Variants in PCLO observed in about 807,000 individuals in gnomAD.
PCLO encodes piccolo presynaptic cytomatrix protein.
PCLO carries 82 observed loss-of-function variants against 427.5 expected under a neutral mutation model. That is an observed-to-expected ratio of 0.19 (90% CI 0.16 to 0.23). The LOEUF is 0.23. Ranked by LOEUF, PCLO falls within the 10% of genes least tolerant of loss-of-function variation. PCLO has a pLI of 1.00. For missense variants in PCLO, 6,239 were observed against 6,115.9 expected (o/e 1.02, Z -0.67); for synonymous variants, 2,357 against 2,155.4 (o/e 1.09, Z -2.59).
intron 3 of PCLO, among the ~76,000 whole-genome samples, chr7:83,052,548 G>C: frequency 6.6e-6 from 1 of 151,964 alleles, no homozygotes; most frequent in East Asian, 1.9e-4. Context: ...ATCATGTGTT[G>C]AGCATAGTGT....
chr7:82,965,789 T>A lies in PCLO; in HGVS notation c.3999A>T (p.Glu1333Asp). Residue 1333 changes from glutamate to aspartate, a missense_variant, in exon 4 of 25, where the codon GAA becomes GAT. Transcript: ENST00000333891. Reference sequence around the variant, plus strand: ...AACTTACTGTTTTTTCTTTCCCAGGTTCCACCTGATCAGGTTTTGCTGTGC... The same window carrying A: ...AACTTACTGTTTTTTCTTTCCCAGGATCCACCTGATCAGGTTTTGCTGTGC... Reference protein sequence around the residue: ...PPCTAKPDQVEPGKEKTEKED... With the variant: ...PPCTAKPDQVDPGKEKTEKED... 6.2e-7 allele frequency: 1 copy of A among 1,602,542 alleles called. No homozygotes were observed. Among genetic ancestry groups the A allele is most frequent in the Non-Finnish European group, 8.5e-7 (1 of 1,175,832 alleles).
At chr7:83,062,676 T>C (rs988004242) in intron 3 of PCLO, among the ~76,000 whole-genome samples, 2 of 152,130 alleles carry the variant, frequency 1.3e-5, no homozygotes, top group Non-Finnish European at 2.9e-5. Context: ...TGTCTTAAAT[T>C]CAACTTCTAC....
rs1270435100 is a variant in PCLO at position 83,155,151 on chromosome 7, G to A, written c.1490C>T (p.Ala497Val). The change falls in exon 2 of 25, where the codon GCA becomes GTA. Residue 497 changes from alanine (A) to valine (V), a missense_variant. Around this residue, in one of 5 missense-constraint regions of PCLO, gnomAD observed 4,677 missense variants for 4,468.4 expected, o/e 1.05. Transcript: ENST00000333891. ...GCCAGGCTGTTGAGATGGGGGCTTT[G>A]CTGAGCCAGGCTGTTGAGGTGGGGG... ...AKPPPQQPGS[A>V]KPPSQQPGST... The A allele has an allele frequency of 2.0e-6, 3 of 1,518,982 alleles. No homozygotes were observed. Among genetic ancestry groups the A allele is most frequent in the Admixed American group, 3.7e-5 (2 of 53,680 alleles). The allele number at this position is 1,518,982 out of a possible 1,614,324, so 94.1% of individuals were successfully genotyped here. A position where few individuals can be genotyped will look rare whatever the true frequency, so the allele number is the denominator to read the frequency against.
intron 3 of PCLO, among the ~76,000 whole-genome samples, chr7:82,984,497 C>T (rs73710105): frequency 0.028 from 4,227 of 149,858 alleles, 203 homozygotes; most frequent in African/African-American, 0.098. Context: ...ATAAGCATTG[C>T]GGTCAAGGGC....
At chr7:82,980,511 C>T (rs1796122936) in intron 3 of PCLO, among the ~76,000 whole-genome samples, 1 of 152,110 alleles carries the variant, frequency 6.6e-6, no homozygotes, top group Non-Finnish European at 1.5e-5. Flanking sequence ...AAGAAATGTA[C>T]CCTAAAGAAA....
intron 21 of PCLO, among the ~76,000 whole-genome samples, chr7:82,804,727 A>G (rs1465546264): frequency 6.6e-6 from 1 of 152,198 alleles, no homozygotes; most frequent in Non-Finnish European, 1.5e-5. Flanking sequence ...AATACAACTT[A>G]GTTTATATTC....
Position 83,024,055 on chromosome 7 carries a change from C to T in PCLO, c.3301-57568G>A, listed in dbSNP as rs574223161. Among the ~76,000 whole-genome samples the T allele has an allele frequency of 1.5e-4, 23 of 152,268 alleles. No individual in the cohort carries two copies. In the South Asian group the frequency reaches 4.6e-3, roughly 30 times the overall value. ...TTTGGGCCAGTCACCATGCTAGGTG[C>T]TAATGATACATACTCAGATAAGAAA... On this transcript the variant is annotated intron_variant, in intron 3 of 24. Coordinates refer to ENST00000333891, the MANE Select transcript of PCLO (RefSeq NM_033026.6).
At chr7:83,093,477 G>GATATAT (rs766623004) in intron 3 of PCLO, among the ~76,000 whole-genome samples, 58 of 92,162 alleles carry the variant, frequency 6.3e-4, no homozygotes, top group African/African-American at 2.4e-3. Flanking sequence ...TGTGTGTATA[G>GATATAT]ATATATATAT....
At chr7:82,941,019 C>T (rs752348172) in intron 6 of PCLO, among the ~76,000 whole-genome samples, 2 of 151,816 alleles carry the variant, frequency 1.3e-5, no homozygotes, top group African/African-American at 2.4e-5. Flanking sequence ...GCCTCGGCCT[C>T]CCAAAGTGCT....
At chr7:82,802,194 T>C (rs1164521417) in intron 21 of PCLO, among the ~76,000 whole-genome samples, 2 of 151,936 alleles carry the variant, frequency 1.3e-5, no homozygotes, top group Non-Finnish European at 2.9e-5. Flanking sequence ...TAAGGCAAAG[T>C]ACCTGGTCAA....
chr7:82,779,185 G>A (rs1790818143), intron 22 of PCLO, among the ~76,000 whole-genome samples: 1 of 152,022 alleles, frequency 6.6e-6, no homozygotes, highest in Non-Finnish European at 1.5e-5. Flanking sequence ...ACTTTCTGCT[G>A]CTATTGTTAA....
chr7:82,777,331 A>T (rs1790775650), intron 22 of PCLO, among the ~76,000 whole-genome samples: 1 of 152,194 alleles, frequency 6.6e-6, no homozygotes, highest in Non-Finnish European at 1.5e-5. Flanking sequence ...ATATTGCCCA[A>T]AGTAATTTAT....
Position 82,956,708 on chromosome 7 carries a change from T to G in PCLO, c.4245A>C (p.Thr1415=). ...SPSDLAKLES[T]VLSILEAQAS... is the part of the protein sequence containing the mutation. Reference sequence around the variant, plus strand: ...CTTGAGCTTCCAAAATAGATAGGACTGTACTTTCTAACTTAGCCAAATCTG... The same window carrying G: ...CTTGAGCTTCCAAAATAGATAGGACGGTACTTTCTAACTTAGCCAAATCTG... The change falls in exon 5 of 25, where the codon ACA becomes ACC. Residue 1415 remains threonine, a synonymous_variant. Coordinates refer to ENST00000333891, the MANE Select transcript of PCLO (RefSeq NM_033026.6). 1 of 1,613,582 alleles carries G rather than the reference T, an allele frequency of 6.2e-7. No homozygotes were observed. Among genetic ancestry groups the G allele is most frequent in the Admixed American group, 1.7e-5 (1 of 60,006 alleles).
At chr7:83,025,578 C>G (rs1027120739) in intron 3 of PCLO, among the ~76,000 whole-genome samples, 1 of 152,076 alleles carries the variant, frequency 6.6e-6, no homozygotes, top group Non-Finnish European at 1.5e-5. Context: ...GGCAGGCCAC[C>G]GTTCAGATTC....
At chr7:82,836,533 T>A (rs141659753) in intron 15 of PCLO, among the ~76,000 whole-genome samples, 67 of 152,266 alleles carry the variant, frequency 4.4e-4, no homozygotes, top group African/African-American at 1.5e-3. Flanking sequence ...CATAAAATTA[T>A]TGGTTTTTCA....
intron 10 of PCLO, among the ~76,000 whole-genome samples, chr7:82,866,699 C>A (rs1793103576): frequency 6.7e-6 from 1 of 149,008 alleles, no homozygotes; most frequent in South Asian, 2.1e-4. Flanking sequence ...CACACACACC[C>A]CTTTAATATG....
intron 3 of PCLO, among the ~76,000 whole-genome samples, chr7:83,124,753 T>C (rs1791383887): frequency 6.6e-6 from 1 of 151,962 alleles, no homozygotes; most frequent in African/African-American, 2.4e-5. Flanking sequence ...CTTTCCACGG[T>C]CTCCCCCTCT....
intron 3 of PCLO, among the ~76,000 whole-genome samples, chr7:83,013,287 G>A (rs1369015224): frequency 3.3e-5 from 5 of 152,106 alleles, no homozygotes; most frequent in Non-Finnish European, 5.9e-5. Flanking sequence ...TATATGTAAA[G>A]TATTTCAGAA....
chr7:82,977,070 T>G (rs1205996209), intron 3 of PCLO, among the ~76,000 whole-genome samples: 1 of 152,028 alleles, frequency 6.6e-6, no homozygotes, highest in Non-Finnish European at 1.5e-5. Context: ...GAAAAAATTT[T>G]TAAAGGAGTG....
Sources: gnomAD v4.1 joint callset for allele counts (sites outside exome capture counted in the v4.1 genomes callset) on GRCh38, gnomAD v4.1.1 for gene constraint, gnomAD v4.1.1 regional missense constraint, MANE v1.5 for transcripts, NCBI Gene and HGNC (gene_info 2026-07-23, HGNC 2026-07-21) for gene names.